KCNK2: variants seen among roughly 807,000 people sequenced by gnomAD.
KCNK2 encodes the protein potassium two pore domain channel subfamily K member 2, also known as potassium channel subfamily K member 2.
In KCNK2, 21 loss-of-function variants were observed where a neutral mutation model predicts 40.5. The ratio of observed to expected loss-of-function variants is 0.52; its 90% CI spans 0.37 to 0.75. The LOEUF is 0.75. Ranked by LOEUF, KCNK2 falls within the 30% of genes least tolerant of loss-of-function variation. The pLI is 0.00. For missense variants in KCNK2, 399 were observed against 531.6 expected (o/e 0.75, Z 2.45); for synonymous variants, 191 against 202.2 (o/e 0.94, Z 0.47).
rs891780527 is a variant in KCNK2 at position 215,085,386 on chromosome 1, G to A, written c.47-982G>A. On this transcript the variant is annotated intron_variant, in intron 1 of 6. Transcript: ENST00000444842. ...AGGTGTTTTATTTTCCTCTTAGCAAGTAGAAGTCTAGTATCTCTTATATTT... is the reference window on the plus strand; with the variant it reads ...AGGTGTTTTATTTTCCTCTTAGCAAATAGAAGTCTAGTATCTCTTATATTT... Among the ~76,000 whole-genome samples, 9 of 152,244 alleles carry A rather than the reference G, an allele frequency of 5.9e-5. No homozygotes were observed. In the South Asian group the frequency reaches 1.2e-3, roughly 21 times the overall value.
chr1:215,083,396 G>C lies in KCNK2; in HGVS notation c.11G>C (p.Ser4Thr). MLP[S>T]ASRERPGYRA... ...AATGCTGCATGCCTCATGCTTCCCA[G>C]CGCCTCGCGGGAGAGACCCGGCTAT... Residue 4 changes from serine to threonine, a missense_variant, in exon 1 of 7, where the codon AGC (serine) becomes ACC (threonine). Ser to Thr is a moderately conservative substitution (Grantham distance 58). This residue lies in a region of KCNK2 where 279 missense variants were observed against 353.8 expected (regional missense o/e 0.79). Transcript: ENST00000444842. 1 of 1,614,078 alleles carries C rather than the reference G, an allele frequency of 6.2e-7. No individual in the cohort carries two copies. The highest frequency in any genetic ancestry group is 8.5e-7 in the Non-Finnish European group (1 of 1,179,998).
chr1:215,226,090 C>T (rs1666373260), intron 6 of KCNK2, among the ~76,000 whole-genome samples: 1 of 152,094 alleles, frequency 6.6e-6, no homozygotes, highest in South Asian at 2.1e-4. Context: ...ATGTTGCCAC[C>T]ATGACAAGGG....
At chr1:215,159,528 A>G (rs1451999839) in intron 3 of KCNK2, among the ~76,000 whole-genome samples, 5 of 152,184 alleles carry the variant, frequency 3.3e-5, no homozygotes, top group African/African-American at 7.2e-5. Flanking sequence ...CTAAAATAGA[A>G]AAGTACATTT....
chr1:215,033,840 T>C (rs1279222735), intron 1 of KCNK2, among the ~76,000 whole-genome samples: 2 of 152,214 alleles, frequency 1.3e-5, no homozygotes, highest in East Asian at 1.9e-4. Context: ...TGATTCCTTA[T>C]TTAACTTTTC....
At chr1:215,056,802 G>C (rs1238521813) in intron 1 of KCNK2, among the ~76,000 whole-genome samples, 1 of 151,946 alleles carries the variant, frequency 6.6e-6, no homozygotes, top group Non-Finnish European at 1.5e-5. Flanking sequence ...AAAAAGTTCA[G>C]TCAGGCTGCA....
intron 1 of KCNK2, among the ~76,000 whole-genome samples, chr1:215,054,820 T>C (rs1321250159): frequency 6.6e-6 from 1 of 152,232 alleles, no homozygotes. Context: ...TCTCAGTGCA[T>C]GTGTACTTTA....
intron 6 of KCNK2, among the ~76,000 whole-genome samples, chr1:215,228,486 G>A (rs1558149187): frequency 6.6e-6 from 1 of 152,136 alleles, no homozygotes; most frequent in African/African-American, 2.4e-5. Flanking sequence ...CCTGGGCTGT[G>A]AGCATCATGT....
intron 6 of KCNK2, among the ~76,000 whole-genome samples, chr1:215,195,799 T>C (rs1571716721): frequency 6.6e-6 from 1 of 152,340 alleles, no homozygotes; most frequent in Middle Eastern, 3.4e-3. Flanking sequence ...TTAGTTTGAA[T>C]GTGACAGGGT....
At chr1:215,184,535 A>G (rs1187689655) in intron 5 of KCNK2, among the ~76,000 whole-genome samples, 2 of 152,204 alleles carry the variant, frequency 1.3e-5, no homozygotes, top group African/African-American at 4.8e-5. Context: ...TAATAGACTC[A>G]TAGTTCAACA....
At chr1:215,180,213 T>A (rs1334526462) in intron 5 of KCNK2, among the ~76,000 whole-genome samples, 1 of 152,152 alleles carries the variant, frequency 6.6e-6, no homozygotes, top group Non-Finnish European at 1.5e-5. Flanking sequence ...GTGTGACAGA[T>A]CTTTCTTCAA....
In KCNK2 at chr1:215,093,690, ATATATTATATAT is replaced by A. The variant is rs1387280120; in HGVS notation, c.357+7030_357+7041del. Among the ~76,000 whole-genome samples the A allele has an allele frequency of 2.2e-3, 217 of 96,690 alleles. 1 individual carries two copies. The highest frequency in any genetic ancestry group is 8.9e-3 in the African/African-American group (209 of 23,444). 63.4% of individuals were successfully genotyped at this position (96,690 alleles called of 152,430 possible). Reference sequence around the variant, plus strand: ...TATAGAATATACATATATAATATGTATATATTATATATTATATTATATATTATATAAAAATAT... The same window carrying A: ...TATAGAATATACATATATAATATGTATATATTATATATTATATAAAAATAT... On this transcript the variant is annotated intron_variant, in intron 2 of 6. Coordinates refer to ENST00000444842, the MANE Select transcript of KCNK2 (RefSeq NM_001017425.3).
At chr1:215,062,000 T>G (rs1046814260) in intron 1 of KCNK2, among the ~76,000 whole-genome samples, 3 of 152,174 alleles carry the variant, frequency 2.0e-5, no homozygotes, top group Non-Finnish European at 4.4e-5. Context: ...TTCTAAAAAT[T>G]ATTAATAAAT....
chr1:215,006,012 G>T, intron 1 of KCNK2: 1 of 1,394,930 alleles, frequency 7.2e-7, no homozygotes, highest in Admixed American at 1.7e-5. Context: ...TCTAGAGTAG[G>T]CTGAGTAGAT....
intron 3 of KCNK2, among the ~76,000 whole-genome samples, chr1:215,151,161 A>G (rs1294162969): frequency 6.6e-6 from 1 of 152,100 alleles, no homozygotes; most frequent in Non-Finnish European, 1.5e-5. Context: ...AAATGTGTAG[A>G]AGTGTCTAGA....
chr1:215,187,981 T>C (rs981933281), intron 5 of KCNK2, among the ~76,000 whole-genome samples: 1 of 152,122 alleles, frequency 6.6e-6, no homozygotes, highest in African/African-American at 2.4e-5. Context: ...CACAAAGCAG[T>C]GTCCTCACAT....
chr1:215,219,692 T>C (rs1484576235), intron 6 of KCNK2, among the ~76,000 whole-genome samples: 1 of 152,198 alleles, frequency 6.6e-6, no homozygotes, highest in Non-Finnish European at 1.5e-5. Flanking sequence ...GAAAGGCATT[T>C]TGAGATTTTA....
At chr1:215,086,797 A>G in intron 2 of KCNK2, 119 bp downstream of exon 2, 1 of 831,948 alleles carries the variant, frequency 1.2e-6, no homozygotes, top group Non-Finnish European at 1.9e-6. Context: ...ATCCCACCTC[A>G]TTTGCCTTAA....
intron 2 of KCNK2, among the ~76,000 whole-genome samples, chr1:215,106,499 T>C (rs894843919): frequency 8.5e-5 from 13 of 152,132 alleles, no homozygotes; most frequent in African/African-American, 3.1e-4. Context: ...GTTTGTTGGA[T>C]GCATGGTTTG....
At chr1:215,052,713 G>A (rs961091102) in intron 1 of KCNK2, among the ~76,000 whole-genome samples, 4 of 152,176 alleles carry the variant, frequency 2.6e-5, no homozygotes, top group African/African-American at 9.7e-5. Flanking sequence ...AGAAACCTTG[G>A]ATTAGAAGTC....
Sources: allele counts gnomAD v4.1 joint callset (sites outside exome capture counted in the v4.1 genomes callset), GRCh38; gene constraint gnomAD v4.1.1; regional missense constraint gnomAD v4.1.1; transcripts MANE v1.5; gene names NCBI Gene and HGNC (gene_info 2026-07-23, HGNC 2026-07-21).